The following BET1 variants were observed in gnomAD, a reference collection of about 807,000 sequenced individuals.
The protein encoded by BET1 is Bet1 golgi vesicular membrane trafficking protein, also known as BET1 homolog.
In BET1, 9 loss-of-function variants were observed where a neutral mutation model predicts 13.9. That is an observed-to-expected ratio of 0.65 (90% CI 0.39 to 1.13). The LOEUF (loss-of-function observed/expected upper bound fraction) is 1.13. Ranked by LOEUF, BET1 falls within the 50% of genes most tolerant of loss-of-function variation. The pLI is 0.01. For synonymous variants in BET1, 39 were observed against 47.3 expected, an observed-to-expected ratio of 0.82 and a Z score of 0.72; for missense variants, 127 against 133.6, an observed-to-expected ratio of 0.95 and a Z score of 0.24.
chr7:93,965,184 T>A (rs1003997181), exon 7 of BET1: 1 of 152,094 alleles, frequency 6.6e-6, no homozygotes, highest in Non-Finnish European at 1.5e-5. Context: ...TAAATGTTGA[T>A]CCATGTACTT....
At chr7:93,977,777 T>C (rs1795364300) in intron 4 of BET1, among the ~76,000 whole-genome samples, 2 of 152,182 alleles carry the variant, frequency 1.3e-5, no homozygotes, top group Admixed American at 1.3e-4. Context: ...GGCCAGATGC[T>C]TGTGTCAATC....
chr7:94,004,075 C>T, intron 1 of BET1, 123 bp downstream of exon 1: 4 of 1,385,528 alleles, frequency 2.9e-6, no homozygotes, highest in Non-Finnish European at 4.1e-6. Context: ...CCCCAAAGAT[C>T]CCCTCTAGAC....
intron 5 of BET1, among the ~76,000 whole-genome samples, chr7:93,974,062 A>G (rs1795300494): frequency 6.6e-6 from 1 of 152,134 alleles, no homozygotes; most frequent in Admixed American, 6.6e-5. Flanking sequence ...AAAAAAATAC[A>G]TGCATATATT....
At chr7:93,993,055 G>C, downstream of BET1, 10 of 981,640 alleles carry the variant, frequency 1.0e-5, no homozygotes, top group Non-Finnish European at 1.2e-5. Context: ...TAAAATCCAA[G>C]AAAATACATT....
rs1232964578 is a variant in BET1 at position 93,995,358 on chromosome 7, A to C, written c.201+907T>G. On this transcript the variant is annotated intron_variant, in intron 3 of 3. Coordinates refer to ENST00000222547, the MANE Select transcript of BET1 (RefSeq NM_005868.6). ...GAAATATTACACATACTTTCATAGA[A>C]ATTATAATATCCTGAGATGTAAAAG... Among the ~76,000 whole-genome samples, 2 of 152,310 alleles carry C rather than the reference A, an allele frequency of 1.3e-5. 1 individual carries two copies. Among genetic ancestry groups the C allele is most frequent in the African/African-American group, 4.8e-5 (2 of 41,556 alleles).
At chr7:93,982,857 C>A (rs1395347090) in intron 4 of BET1, among the ~76,000 whole-genome samples, 1 of 152,178 alleles carries the variant, frequency 6.6e-6, no homozygotes. Context: ...ATACTATCAA[C>A]ACCTCTACAT....
chr7:93,996,715 TTA>T (rs1004307265), intron 2 of BET1, among the ~76,000 whole-genome samples: 1 of 149,082 alleles, frequency 6.7e-6, no homozygotes, highest in Admixed American at 6.7e-5. Context: ...ATTTTATAAA[TTA>T]TATATATATA....
At position 93,999,266 on chromosome 7, in the gene BET1, C is replaced by G. The variant is rs752988697; in HGVS notation, c.48G>C (p.Gly16=). ...LGEGVPPGNY[G]NYGYANSGYS... is the part of the protein sequence containing the mutation. The stretch of plus-strand genomic sequence containing the variant: ...ACCCACTATTAGCATAGCCATAGTT[C>G]CCATAGTTGCCAGGAGGTACTCCTT... The change falls in exon 2 of 4, where the codon GGG becomes GGC. Residue 16 remains glycine, a synonymous_variant. Transcript: ENST00000222547. 6.2e-6 allele frequency: 10 copies of G among 1,612,312 alleles called. No homozygotes were observed. In the South Asian group the frequency reaches 1.1e-4, roughly 18 times the overall value.
intron 6 of BET1, among the ~76,000 whole-genome samples, chr7:93,971,805 A>G (rs1362722645): frequency 6.6e-6 from 1 of 151,762 alleles, no homozygotes; most frequent in East Asian, 1.9e-4. Flanking sequence ...TACTAATGAG[A>G]TTTAACTAAG....
intron 4 of BET1, among the ~76,000 whole-genome samples, chr7:93,977,004 A>G (rs911717111): frequency 2.2e-4 from 33 of 152,066 alleles, no homozygotes; most frequent in Admixed American, 2.0e-3. Context: ...GAATGCCCTT[A>G]TTTTGTTCCC....
chr7:93,986,950 A>G (rs950847136), intron 4 of BET1, among the ~76,000 whole-genome samples: 1 of 152,122 alleles, frequency 6.6e-6, no homozygotes, highest in Non-Finnish European at 1.5e-5. Flanking sequence ...CCTGGAAGCA[A>G]TGGGGTACAC....
chr7:93,968,579 G>C (rs1795211410), intron 6 of BET1, among the ~76,000 whole-genome samples: 1 of 151,686 alleles, frequency 6.6e-6, no homozygotes, highest in African/African-American at 2.4e-5. Context: ...AATCCTCAGA[G>C]TTAGGCCTAT....
intron 4 of BET1, chr7:93,987,172 A>C (rs1212982936): frequency 1.3e-5 from 2 of 152,080 alleles, no homozygotes; most frequent in South Asian, 2.1e-4. Context: ...AACTCACCGG[A>C]TCGACTTGGG....
chr7:93,979,562 T>G (rs1795393124), intron 4 of BET1, among the ~76,000 whole-genome samples: 1 of 152,048 alleles, frequency 6.6e-6, no homozygotes, highest in Non-Finnish European at 1.5e-5. Context: ...GAACCAATTC[T>G]TTTTGTGAGA....
chr7:93,965,982 C>T (rs1176123183), intron 6 of BET1, among the ~76,000 whole-genome samples: 2 of 151,996 alleles, frequency 1.3e-5, no homozygotes, highest in African/African-American at 4.8e-5. Flanking sequence ...CTGACTTCCT[C>T]CGCCACCACT....
intron 1 of BET1, among the ~76,000 whole-genome samples, chr7:94,003,178 CT>C (rs376498261): frequency 2.6e-4 from 39 of 148,866 alleles, no homozygotes; most frequent in Admixed American, 8.0e-4. Flanking sequence ...AAAATTATTT[CT>C]TTTTTTTTTC....
chr7:93,989,007 ACTG>A (rs1219673166), downstream of BET1, among the ~76,000 whole-genome samples: 424 of 148,960 alleles, frequency 2.8e-3, 5 homozygotes, highest in African/African-American at 9.8e-3. Flanking sequence ...ATATATATAT[ACTG>A]TTGTTGTTGT....
At chr7:93,969,257 T>C (rs1795222896) in intron 6 of BET1, among the ~76,000 whole-genome samples, 1 of 151,840 alleles carries the variant, frequency 6.6e-6, no homozygotes, top group Non-Finnish European at 1.5e-5. Context: ...TTCTGTCTTA[T>C]CACTCTCTGA....
intron 5 of BET1, chr7:93,975,878 A>C (rs1174205121): frequency 8.6e-6 from 9 of 1,052,332 alleles, no homozygotes; most frequent in Non-Finnish European, 1.1e-5. Context: ...TTATGAGACT[A>C]TCAAATGTAC....
Sources: gnomAD v4.1 joint callset for allele counts (sites outside exome capture counted in the v4.1 genomes callset) on GRCh38, gnomAD v4.1.1 for gene constraint, MANE v1.5 for transcripts, NCBI Gene and HGNC (gene_info 2026-07-23, HGNC 2026-07-21) for gene names.